Variants in CHRM3 observed in about 807,000 individuals in gnomAD.
The protein encoded by CHRM3 is cholinergic receptor muscarinic 3, also known as muscarinic acetylcholine receptor M3.
In CHRM3, 11 loss-of-function variants were observed where a neutral mutation model predicts 41.8. The observed-to-expected ratio is 0.26, with a 90% CI of 0.17 to 0.44. CHRM3 has a LOEUF of 0.44. Ranked by LOEUF, CHRM3 falls within the 20% of genes least tolerant of loss-of-function variation. The probability of loss-of-function intolerance (pLI) is 1.00; values close to 1 mark genes in which losing one functional copy is unlikely to be tolerated. For missense variants in CHRM3, 571 were observed against 745.4 expected (o/e 0.77, Z 2.72); for synonymous variants, 297 against 301.4 (o/e 0.99, Z 0.15).
chr1:239,796,236 G>A (rs936955702), intron 5 of CHRM3, among the ~76,000 whole-genome samples: 8 of 151,944 alleles, frequency 5.3e-5, no homozygotes, highest in Non-Finnish European at 1.0e-4. Flanking sequence ...TGGTACTCCC[G>A]TCTTTTCCAT....
chr1:239,559,583 G>T (rs948810646), intron 3 of CHRM3, among the ~76,000 whole-genome samples: 4 of 152,252 alleles, frequency 2.6e-5, no homozygotes, highest in African/African-American at 9.6e-5. Context: ...AAGTTAGGAC[G>T]AATTTCAAGA....
chr1:239,686,198 C>T (rs538842627), intron 5 of CHRM3, among the ~76,000 whole-genome samples: 1 of 152,272 alleles, frequency 6.6e-6, no homozygotes, highest in South Asian at 2.1e-4. Flanking sequence ...ACTTCTGTTA[C>T]TCACTACCTT....
chr1:239,456,568 T>A (rs1664951321), intron 1 of CHRM3, among the ~76,000 whole-genome samples: 1 of 152,182 alleles, frequency 6.6e-6, no homozygotes, highest in African/African-American at 2.4e-5. Flanking sequence ...GAGGCATTTC[T>A]CGGAACGTAT....
intron 6 of CHRM3, among the ~76,000 whole-genome samples, chr1:239,849,741 G>A (rs928193730): frequency 6.6e-6 from 1 of 151,980 alleles, no homozygotes; most frequent in Non-Finnish European, 1.5e-5. Context: ...CTCAGTTTCC[G>A]GGCCTTTAAA....
chr1:239,593,504 T>G (rs759532532), intron 3 of CHRM3, among the ~76,000 whole-genome samples: 2 of 152,194 alleles, frequency 1.3e-5, no homozygotes, highest in Non-Finnish European at 2.9e-5. Context: ...CTCAAATATT[T>G]TATTTCATTT....
At chr1:239,579,905 T>C (rs1431180581) in intron 3 of CHRM3, among the ~76,000 whole-genome samples, 1 of 152,074 alleles carries the variant, frequency 6.6e-6, no homozygotes, top group East Asian at 1.9e-4. Context: ...GGGGAAGAAC[T>C]CGAGGCACAG....
intron 3 of CHRM3, among the ~76,000 whole-genome samples, chr1:239,573,538 T>G (rs1259651812): frequency 6.6e-6 from 1 of 152,116 alleles, no homozygotes; most frequent in East Asian, 1.9e-4. Flanking sequence ...AAAGTTCTAT[T>G]TAGTGTGCAT....
At chr1:239,496,510 AGTGTGTGT>A (rs71166874) in intron 2 of CHRM3, among the ~76,000 whole-genome samples, 26,536 of 145,010 alleles carry the variant, frequency 0.18, 2,722 homozygotes, top group Middle Eastern at 0.29. Flanking sequence ...TAGTAATTCT[AGTGTGTGT>A]GTGTGTGTGT....
chr1:239,519,486 A>C (rs1669482437), intron 2 of CHRM3, among the ~76,000 whole-genome samples: 1 of 152,166 alleles, frequency 6.6e-6, no homozygotes, highest in Non-Finnish European at 1.5e-5. Context: ...TATGATTGAC[A>C]CATCAATTGT....
chr1:239,749,667 CA>C (rs1181647815), intron 5 of CHRM3, among the ~76,000 whole-genome samples: 1 of 151,562 alleles, frequency 6.6e-6, no homozygotes, highest in Non-Finnish European at 1.5e-5. Context: ...GACTCCATCT[CA>C]AAAAAAATGA....
chr1:239,848,389 T>C (rs2149209344), intron 6 of CHRM3, among the ~76,000 whole-genome samples: 1 of 152,300 alleles, frequency 6.6e-6, no homozygotes, highest in Non-Finnish European at 1.5e-5. Flanking sequence ...TACTTATTGA[T>C]ACTTTCCAAA....
At chr1:239,583,457 C>T (rs1284184527) in intron 3 of CHRM3, among the ~76,000 whole-genome samples, 1 of 152,108 alleles carries the variant, frequency 6.6e-6, no homozygotes, top group Non-Finnish European at 1.5e-5. Flanking sequence ...AGGCACAATC[C>T]ATGTCTTCAA....
At chr1:239,740,479 T>G (rs1664745722) in intron 5 of CHRM3, among the ~76,000 whole-genome samples, 1 of 151,934 alleles carries the variant, frequency 6.6e-6, no homozygotes, top group African/African-American at 2.4e-5. Flanking sequence ...TTCTTTAAGT[T>G]CTGGGATACA....
intron 1 of CHRM3, among the ~76,000 whole-genome samples, chr1:239,425,345 C>T (rs924414193): frequency 6.6e-6 from 1 of 152,226 alleles, no homozygotes; most frequent in Admixed American, 6.5e-5. Flanking sequence ...TTACTGAGGT[C>T]CTACTATGTG....
At chr1:239,388,426 T>G (rs1658724380) in intron 1 of CHRM3, among the ~76,000 whole-genome samples, 1 of 152,240 alleles carries the variant, frequency 6.6e-6, no homozygotes, top group African/African-American at 2.4e-5. Flanking sequence ...CTTTGTAGGT[T>G]ACTATTTGAA....
At chr1:239,559,264 C>G (rs1477200617) in intron 3 of CHRM3, among the ~76,000 whole-genome samples, 1 of 148,388 alleles carries the variant, frequency 6.7e-6, no homozygotes, top group African/African-American at 2.6e-5. Context: ...TGCTGTGAGC[C>G]TGAGTCAGGA....
intron 4 of CHRM3, among the ~76,000 whole-genome samples, chr1:239,663,347 T>C (rs956936810): frequency 1.3e-5 from 2 of 152,152 alleles, no homozygotes; most frequent in Non-Finnish European, 2.9e-5. Flanking sequence ...TTTGTTAAAT[T>C]CCTGAGTTTC....
intron 1 of CHRM3, among the ~76,000 whole-genome samples, chr1:239,414,454 A>C (rs1025881024): frequency 3.9e-4 from 60 of 152,266 alleles, no homozygotes; most frequent in Non-Finnish European, 7.6e-4. Flanking sequence ...TATTTGGAAC[A>C]AACCATCCTC....
chr1:239,749,835 C>T (rs1293952240), intron 5 of CHRM3, among the ~76,000 whole-genome samples: 3 of 152,166 alleles, frequency 2.0e-5, no homozygotes, highest in African/African-American at 7.2e-5. Flanking sequence ...GTAGGGTATT[C>T]TGACCTCAAA....
Sources: gnomAD v4.1 joint callset for allele counts (sites outside exome capture counted in the v4.1 genomes callset) on GRCh38, gnomAD v4.1.1 for gene constraint, MANE v1.5 for transcripts, NCBI Gene and HGNC (gene_info 2026-07-23, HGNC 2026-07-21) for gene names.